CD300LF: variants seen among roughly 807,000 people sequenced by gnomAD.
CD300LF encodes the protein CMRF35-like molecule 1.
In CD300LF, 27 loss-of-function variants were observed where a neutral mutation model predicts 32.2. The observed-to-expected ratio is 0.84, with a 90% CI of 0.62 to 1.15. The LOEUF (loss-of-function observed/expected upper bound fraction) is 1.15. Among genes scored for constraint, CD300LF ranks in the 50% most tolerant of loss-of-function variants. The pLI, the probability that CD300LF is intolerant of heterozygous loss-of-function variation, is 0.00. For missense variants in CD300LF, 348 were observed against 356.8 expected (o/e 0.98, Z 0.20); for synonymous variants, 139 against 143.2 (o/e 0.97, Z 0.21).
intron 1 of CD300LF, 37 bp downstream of exon 1, chr17:74,712,787 T>C (rs1277291968): frequency 1.2e-6 from 2 of 1,613,142 alleles, no homozygotes. Flanking sequence ...TCCTGCTTGC[T>C]AAGCTTCCCC....
intron 2 of CD300LF, among the ~76,000 whole-genome samples, chr17:74,703,467 C>A (rs1240135937): frequency 6.6e-6 from 1 of 152,148 alleles, no homozygotes; most frequent in African/African-American, 2.4e-5. Flanking sequence ...AATCTCCACC[C>A]CCAGCCCTAT....
Position 74,703,262 on chromosome 17 carries a change from G to C in CD300LF, c.383-164C>G, listed in dbSNP as rs9675012. 7.8e-3 allele frequency: 5,729 copies of C among 738,140 alleles called. 111 individuals carry two copies. Among genetic ancestry groups the C allele is most frequent in the Admixed American group, 0.041 (1,641 of 39,690 alleles). 45.7% of individuals were successfully genotyped at this position (738,140 alleles called of 1,614,324 possible). A position where few individuals can be genotyped will look rare whatever the true frequency, so the allele number is the denominator to read the frequency against. On this transcript the variant is annotated intron_variant, in intron 2 of 6. Transcript: ENST00000326165. ...GGTCTGGACTGCTACTATGGGAAGGGGCTGCAGCCTGGACCACTCATGTCT... is the reference window on the plus strand; with the variant it reads ...GGTCTGGACTGCTACTATGGGAAGGCGCTGCAGCCTGGACCACTCATGTCT...
chr17:74,695,114 G>A lies in CD300LF; in HGVS notation c.855C>T (p.Ser285=), dbSNP rs1322236545. 9.3e-6 allele frequency: 15 copies of A among 1,614,058 alleles called. No homozygotes were observed. Among genetic ancestry groups the A allele is most frequent in the Non-Finnish European group, 1.3e-5 (15 of 1,179,956 alleles). The change falls in exon 7 of 7, where the codon AGC becomes AGT. Residue 285 remains serine (S), a synonymous_variant. Coordinates refer to ENST00000326165, the MANE Select transcript of CD300LF (RefSeq NM_139018.5). ...GRGPEEPTEY[S]TISRP ...GTGCAGGCTAAGGCCTGCTGATGGT[G>A]CTGTATTCCGTGGGCTCCTCAGGGC...
At chr17:74,701,858 A>AG in intron 3 of CD300LF, among the ~76,000 whole-genome samples, 1 of 151,530 alleles carries the variant, frequency 6.6e-6, no homozygotes, top group East Asian at 1.9e-4. Context: ...AAAAAAAAAA[A>AG]AAAAAAAACA....
At chr17:74,698,167 C>T (rs556064625) in intron 4 of CD300LF, among the ~76,000 whole-genome samples, 5 of 152,302 alleles carry the variant, frequency 3.3e-5, no homozygotes, top group Non-Finnish European at 7.4e-5. Context: ...GCAGGGCAGG[C>T]GGCGAATGCC....
intron 3 of CD300LF, among the ~76,000 whole-genome samples, chr17:74,702,712 G>A (rs1193636828): frequency 1.3e-5 from 2 of 152,084 alleles, no homozygotes; most frequent in Non-Finnish European, 2.9e-5. Context: ...CTCCCACACT[G>A]AGCTCCACGG....
intron 4 of CD300LF, among the ~76,000 whole-genome samples, chr17:74,697,262 T>C (rs2032580596): frequency 6.6e-6 from 1 of 152,048 alleles, no homozygotes; most frequent in Non-Finnish European, 1.5e-5. Context: ...GGATTGTTTT[T>C]CCACTGGGAC....
intron 3 of CD300LF, among the ~76,000 whole-genome samples, chr17:74,702,635 G>A (rs564211943): frequency 1.3e-5 from 2 of 152,162 alleles, no homozygotes; most frequent in Admixed American, 6.6e-5. Context: ...TCATCCCTGC[G>A]GCTCCATGAC....
At chr17:74,705,282 GT>G (rs774483061) in intron 1 of CD300LF, 2 of 700,144 alleles carry the variant, frequency 2.9e-6, no homozygotes, top group South Asian at 3.0e-5. Flanking sequence ...GGCTGTCCTG[GT>G]GGTCCTAATG....
intron 1 of CD300LF, among the ~76,000 whole-genome samples, chr17:74,710,353 A>T (rs998708787): frequency 1.3e-5 from 2 of 152,308 alleles, no homozygotes; most frequent in Non-Finnish European, 1.5e-5. Flanking sequence ...GTTAGAGAAA[A>T]TTTTTTAATT....
At chr17:74,703,398 AG>A (rs2033238153) in intron 2 of CD300LF, among the ~76,000 whole-genome samples, 1 of 152,102 alleles carries the variant, frequency 6.6e-6, no homozygotes, top group African/African-American at 2.4e-5. Context: ...GAAGAGCCTA[AG>A]GGCAGCTGGA....
In CD300LF at chr17:74,696,186, C is replaced by A. The variant is rs2032455830; in HGVS notation, c.582+9G>T. On this transcript the variant is annotated intron_variant, in intron 5 of 6. Transcript: ENST00000326165. ...GGTCTCTCTGGTCCGACCTTGGGGG[C>A]TATCTTACCTGCTCTGGGGACATCC... is the stretch of plus-strand genomic sequence containing the variant. 3 of 1,602,618 alleles carry A rather than the reference C, an allele frequency of 1.9e-6. No individual in the cohort carries two copies. Among genetic ancestry groups the A allele is most frequent in the South Asian group, 1.1e-5 (1 of 89,414 alleles).
At position 74,698,393 on chromosome 17, in the gene CD300LF, T is replaced by C; in HGVS notation, c.535A>G (p.Arg179Gly). 6.2e-7 allele frequency: 1 copy of C among 1,613,606 alleles called. No homozygotes were observed. Among genetic ancestry groups the C allele is most frequent in the Non-Finnish European group, 8.5e-7 (1 of 1,179,796 alleles). ...LLVAASLLAW[R>G]MMKYQQKAAG... ...CCTTTCTGCTGGTACTTCATCATCC[T>C]CCAAGCCAAGAGTGAGGCGGCCACC... Residue 179 changes from arginine to glycine, a missense_variant, in exon 4 of 7, where the codon AGG becomes GGG. By Grantham distance (125) the Arg-to-Gly change is moderately radical (BLOSUM62 -2). Coordinates refer to ENST00000326165, the MANE Select transcript of CD300LF (RefSeq NM_139018.5).
chr17:74,696,188 A>C lies in CD300LF; in HGVS notation c.582+7T>G, dbSNP rs756429764. 41 of 1,604,264 alleles carry C rather than the reference A, an allele frequency of 2.6e-5. No homozygotes were observed. In the South Asian group the frequency reaches 2.7e-4, roughly 10 times the overall value. On this transcript the variant is annotated splice_region_variant and intron_variant, in intron 5 of 6. Coordinates refer to ENST00000326165, the MANE Select transcript of CD300LF (RefSeq NM_139018.5). ...TCTCTCTGGTCCGACCTTGGGGGCT[A>C]TCTTACCTGCTCTGGGGACATCCCG...
chr17:74,712,414 C>A (rs933845468), intron 1 of CD300LF, among the ~76,000 whole-genome samples: 1 of 152,134 alleles, frequency 6.6e-6, no homozygotes, highest in Non-Finnish European at 1.5e-5. Context: ...CCTCTTCCCT[C>A]CTTTCAAAGT....
At chr17:74,707,716 G>GA (rs201223906) in intron 1 of CD300LF, among the ~76,000 whole-genome samples, 8,652 of 102,212 alleles carry the variant, frequency 0.085, 332 homozygotes, top group East Asian at 0.19. Flanking sequence ...CTCCATCTCA[G>GA]AAAAAAAAAA....
intron 1 of CD300LF, among the ~76,000 whole-genome samples, chr17:74,707,079 T>C (rs979937917): frequency 3.3e-5 from 5 of 152,198 alleles, no homozygotes; most frequent in African/African-American, 4.8e-5. Context: ...GTCTTGGCGA[T>C]GATGTCTTGG....
intron 1 of CD300LF, among the ~76,000 whole-genome samples, chr17:74,705,822 C>T (rs1239842621): frequency 1.3e-5 from 2 of 152,114 alleles, no homozygotes; most frequent in African/African-American, 2.4e-5. Context: ...CTCAAACTCC[C>T]GGGCTCAAGC....
chr17:74,702,757 C>T (rs548970683), intron 3 of CD300LF, among the ~76,000 whole-genome samples: 9 of 152,282 alleles, frequency 5.9e-5, no homozygotes, highest in East Asian at 5.8e-4. Flanking sequence ...GAGCTCAGCA[C>T]GGTGCAGCCA....
Sources: allele counts gnomAD v4.1 joint callset (sites outside exome capture counted in the v4.1 genomes callset), GRCh38; gene constraint gnomAD v4.1.1; transcripts MANE v1.5; gene names NCBI Gene and HGNC (gene_info 2026-07-23, HGNC 2026-07-21).